The following CNIH3 variants were observed in gnomAD, a reference collection of about 807,000 sequenced individuals.
CNIH3 encodes protein cornichon homolog 3.
Under a neutral mutation model 24.1 loss-of-function variants are expected in CNIH3, and 14 were observed. The observed-to-expected ratio is 0.58, with a 90% CI of 0.38 to 0.91. CNIH3 has a LOEUF of 0.91. Ranked by LOEUF, CNIH3 falls within the 40% of genes least tolerant of loss-of-function variation. CNIH3 has a pLI of 0.00. For synonymous variants in CNIH3, 68 were observed against 73.8 expected (o/e 0.92, Z 0.40); for missense variants, 178 against 196.8 (o/e 0.90, Z 0.57).
intron 4 of CNIH3, among the ~76,000 whole-genome samples, chr1:224,582,841 G>T (rs954787554): frequency 2.1e-4 from 32 of 152,180 alleles, no homozygotes; most frequent in Non-Finnish European, 4.4e-4. Flanking sequence ...AGGGGAAAAA[G>T]AATTTGCCTT....
At chr1:224,632,246 C>A (rs1056363322) in intron 1 of CNIH3, among the ~76,000 whole-genome samples, 2 of 152,186 alleles carry the variant, frequency 1.3e-5, no homozygotes, top group African/African-American at 4.8e-5. Flanking sequence ...ATCCGGGCCT[C>A]TATGTCTCCC....
upstream of CNIH3, among the ~76,000 whole-genome samples, chr1:224,613,212 G>A (rs1287959705): frequency 6.6e-6 from 1 of 151,998 alleles, no homozygotes; most frequent in East Asian, 1.9e-4. Context: ...TGTTGCCCAA[G>A]ATGATCGCGA....
chr1:224,628,279 A>G (rs1683641571), intron 1 of CNIH3, among the ~76,000 whole-genome samples: 1 of 152,140 alleles, frequency 6.6e-6, no homozygotes, highest in Non-Finnish European at 1.5e-5. Context: ...TTGTTGTAAA[A>G]TACGTATATG....
At position 224,667,529 on chromosome 1, in the gene CNIH3, A is replaced by G. The variant is rs181143586; in HGVS notation, c.82-13429A>G. 3.7e-3 allele frequency among the ~76,000 whole-genome samples: 568 copies of G among 152,354 alleles called. 5 individuals carry two copies. Among genetic ancestry groups the G allele is most frequent in the African/African-American group, 0.013 (525 of 41,588 alleles). On this transcript the variant is annotated intron_variant, in intron 1 of 5. Coordinates refer to ENST00000272133, the MANE Select transcript of CNIH3 (RefSeq NM_152495.2). ...GCATCTAAGCGACAATGAACGGAAG[A>G]GGAAACCCCAAAGGCTAACGCTTTA...
chr1:224,524,757 T>A (rs984740960), intron 2 of CNIH3, among the ~76,000 whole-genome samples: 1 of 152,218 alleles, frequency 6.6e-6, no homozygotes, highest in Non-Finnish European at 1.5e-5. Context: ...CTTCCTCTTA[T>A]GATAATAGCT....
chr1:224,523,746 G>C (rs1678734523), intron 2 of CNIH3, among the ~76,000 whole-genome samples: 1 of 152,164 alleles, frequency 6.6e-6, no homozygotes, highest in Admixed American at 6.5e-5. Context: ...ATAGACTATG[G>C]AGGAAGAGAT....
chr1:224,734,489 C>A, intron 4 of CNIH3, 74 bp from the exon 5 acceptor site: 2 of 1,486,884 alleles, frequency 1.3e-6, no homozygotes, highest in Non-Finnish European at 1.9e-6. Flanking sequence ...AGAAGCCCTG[C>A]ATCGGAAGGG....
chr1:224,731,260 G>C (rs964674484), intron 4 of CNIH3, among the ~76,000 whole-genome samples: 1 of 151,978 alleles, frequency 6.6e-6, no homozygotes, highest in Non-Finnish European at 1.5e-5. Context: ...GACTTTTATG[G>C]TATGTAAATT....
At chr1:224,542,143 T>C (rs1434731481), downstream of CNIH3, among the ~76,000 whole-genome samples, 1 of 152,220 alleles carries the variant, frequency 6.6e-6, no homozygotes. Context: ...TTTCCTATTG[T>C]TTGAAAATGC....
intron 1 of CNIH3, among the ~76,000 whole-genome samples, chr1:224,501,556 CT>C: frequency 6.9e-6 from 1 of 145,860 alleles, no homozygotes; most frequent in South Asian, 2.2e-4. Context: ...AGTTCATGTT[CT>C]TAATCATGAT....
At chr1:224,707,153 G>C (rs1687864227) in intron 3 of CNIH3, among the ~76,000 whole-genome samples, 1 of 151,616 alleles carries the variant, frequency 6.6e-6, no homozygotes, top group South Asian at 2.1e-4. Context: ...TAGTAGACAT[G>C]GGGTTTCACC....
At chr1:224,620,621 C>T (rs577075703) in intron 1 of CNIH3, among the ~76,000 whole-genome samples, 27 of 152,080 alleles carry the variant, frequency 1.8e-4, no homozygotes, top group African/African-American at 6.5e-4. Context: ...GTTCCTTGTC[C>T]AAAATTTTGA....
intron 1 of CNIH3, among the ~76,000 whole-genome samples, chr1:224,662,204 T>G (rs1031059276): frequency 6.6e-6 from 1 of 152,206 alleles, no homozygotes. Flanking sequence ...GATTTTAAAT[T>G]ACATAAAAAG....
chr1:224,707,401 G>A lies in CNIH3; in HGVS notation c.198+22558G>A, dbSNP rs1215518490. Among the ~76,000 whole-genome samples the A allele has an allele frequency of 2.0e-5, 3 of 152,082 alleles. No individual in the cohort carries two copies. The East Asian group carries it at 5.8e-4, about 29-fold the overall frequency. On this transcript the variant is annotated intron_variant, in intron 3 of 5. Transcript: ENST00000272133. ...CCCTCAACCTCAAATAACGAATTCT[G>A]TACTGCTTTGAAACAGCATGGAGAG...
chr1:224,470,620 C>G (rs1232937462), intron 1 of CNIH3, among the ~76,000 whole-genome samples: 3 of 152,120 alleles, frequency 2.0e-5, no homozygotes, highest in Non-Finnish European at 4.4e-5. Context: ...ACACCCAGCC[C>G]TCTTTCAGTT....
chr1:224,692,726 C>A (rs1686990023), intron 3 of CNIH3, among the ~76,000 whole-genome samples: 1 of 152,308 alleles, frequency 6.6e-6, no homozygotes, highest in East Asian at 1.9e-4. Context: ...AAGTATATAT[C>A]CGAGAGTCTC....
chr1:224,460,052 CT>C (rs1470780843), intron 1 of CNIH3, among the ~76,000 whole-genome samples: 2 of 151,800 alleles, frequency 1.3e-5, no homozygotes, highest in East Asian at 3.9e-4. Context: ...AACTTTTGTA[CT>C]TTTTGTAGAG....
chr1:224,607,414 G>A (rs1682479771), intron 3 of CNIH3, among the ~76,000 whole-genome samples: 1 of 152,128 alleles, frequency 6.6e-6, no homozygotes, highest in African/African-American at 2.4e-5. Context: ...AAAAAAGGGA[G>A]GGCAGATAAA....
At chr1:224,730,977 A>G (rs1689296453) in intron 4 of CNIH3, among the ~76,000 whole-genome samples, 1 of 152,242 alleles carries the variant, frequency 6.6e-6, no homozygotes, top group Non-Finnish European at 1.5e-5. Flanking sequence ...CCCTAAAGAA[A>G]GTATCAGTGA....
Sources: gnomAD v4.1 joint callset for allele counts (sites outside exome capture counted in the v4.1 genomes callset) on GRCh38, gnomAD v4.1.1 for gene constraint, MANE v1.5 for transcripts, NCBI Gene and HGNC (gene_info 2026-07-23, HGNC 2026-07-21) for gene names.